Variants in MGAT4C observed in about 807,000 individuals in gnomAD.
MGAT4C encodes alpha-1,3-mannosyl-glycoprotein 4-beta-N-acetylglucosaminyltransferase C.
A neutral mutation model predicts 40.1 loss-of-function variants in MGAT4C; 19 were observed. The ratio of observed to expected loss-of-function variants is 0.47; its 90% CI spans 0.33 to 0.70. The LOEUF is 0.70. Among genes scored for constraint, MGAT4C ranks in the 30% least tolerant of loss-of-function variants. The pLI is 0.02. For missense variants in MGAT4C, 491 were observed against 563.2 expected (o/e 0.87, Z 1.30); for synonymous variants, 181 against 187.1 (o/e 0.97, Z 0.27).
intron 3 of MGAT4C, among the ~76,000 whole-genome samples, chr12:86,404,854 T>G (rs576287504): frequency 6.6e-6 from 1 of 152,156 alleles, no homozygotes; most frequent in African/African-American, 2.4e-5. Context: ...CTTAGTATCA[T>G]ATGGGAACAT....
chr12:86,706,213 T>C (rs1593135150), intron 2 of MGAT4C, among the ~76,000 whole-genome samples: 1 of 152,244 alleles, frequency 6.6e-6, no homozygotes, highest in South Asian at 2.1e-4. Flanking sequence ...GAAACCTACA[T>C]TTTTTGTCTT....
chr12:86,380,324 C>T (rs1026530286), intron 3 of MGAT4C, among the ~76,000 whole-genome samples: 11 of 152,206 alleles, frequency 7.2e-5, no homozygotes, highest in Non-Finnish European at 1.3e-4. Context: ...TATCCAGCTT[C>T]TCTTTCTTTT....
chr12:86,293,917 CTG>C (rs1376184111), intron 4 of MGAT4C, among the ~76,000 whole-genome samples: 13 of 152,288 alleles, frequency 8.5e-5, no homozygotes, highest in African/African-American at 2.4e-4. Context: ...CAATGCGGAA[CTG>C]TGAGTCAACT....
chr12:86,554,484 G>A (rs1198294583), intron 2 of MGAT4C, among the ~76,000 whole-genome samples: 2 of 152,090 alleles, frequency 1.3e-5, no homozygotes, highest in African/African-American at 2.4e-5. Flanking sequence ...ATACTAGTCT[G>A]TGTATCCTTT....
At chr12:86,550,653 C>A (rs531523961) in intron 2 of MGAT4C, among the ~76,000 whole-genome samples, 1 of 152,188 alleles carries the variant, frequency 6.6e-6, no homozygotes, top group African/African-American at 2.4e-5. Flanking sequence ...GCCCAGTATC[C>A]GCTATGACTG....
chr12:86,450,671 C>T (rs1957410935), intron 2 of MGAT4C, among the ~76,000 whole-genome samples: 1 of 151,762 alleles, frequency 6.6e-6, no homozygotes, highest in South Asian at 2.1e-4. Flanking sequence ...AATTAATTAC[C>T]TTGTATTATG....
chr12:86,230,432 AG>A (rs1391590396), intron 1 of MGAT4C, among the ~76,000 whole-genome samples: 1 of 152,168 alleles, frequency 6.6e-6, no homozygotes, highest in African/African-American at 2.4e-5. Flanking sequence ...GAAGTCAAAT[AG>A]GTTTTGACCT....
At chr12:86,701,770 T>C (rs569604888) in intron 2 of MGAT4C, among the ~76,000 whole-genome samples, 2 of 152,200 alleles carry the variant, frequency 1.3e-5, no homozygotes, top group South Asian at 4.1e-4. Flanking sequence ...AATATGTGAA[T>C]AGAAGGTAAA....
intron 2 of MGAT4C, among the ~76,000 whole-genome samples, chr12:86,561,892 T>C (rs991064118): frequency 3.9e-5 from 6 of 152,206 alleles, no homozygotes; most frequent in African/African-American, 1.4e-4. Context: ...TTTATCTTAC[T>C]AGACTCCAAA....
chr12:86,388,120 A>G (rs1341214375), intron 3 of MGAT4C, among the ~76,000 whole-genome samples: 2 of 152,140 alleles, frequency 1.3e-5, no homozygotes, highest in African/African-American at 4.8e-5. Context: ...CCATTTTATA[A>G]ATGCAGTAAG....
intron 4 of MGAT4C, among the ~76,000 whole-genome samples, chr12:86,295,364 C>T (rs1409796467): frequency 6.6e-6 from 1 of 152,128 alleles, no homozygotes; most frequent in Admixed American, 6.6e-5. Flanking sequence ...AAAGAAGCCG[C>T]AGACCCTCGC....
intron 1 of MGAT4C, among the ~76,000 whole-genome samples, chr12:86,164,507 G>T (rs1885970136): frequency 6.6e-6 from 1 of 152,112 alleles, no homozygotes; most frequent in Admixed American, 6.6e-5. Flanking sequence ...AGTCTAATGG[G>T]ACAGATAGAC....
intron 1 of MGAT4C, among the ~76,000 whole-genome samples, chr12:86,066,803 T>C (rs904703417): frequency 1.7e-4 from 26 of 152,042 alleles, no homozygotes; most frequent in African/African-American, 6.0e-4. Flanking sequence ...ATTGTTGCAA[T>C]CTATCCATCT....
intron 3 of MGAT4C, among the ~76,000 whole-genome samples, chr12:86,408,785 A>C (rs1257874050): frequency 6.6e-6 from 1 of 151,920 alleles, no homozygotes; most frequent in Admixed American, 6.6e-5. Context: ...GTTATCAAAA[A>C]GGAGAGATAG....
chr12:86,175,350 G>A (rs1421337020), intron 1 of MGAT4C, among the ~76,000 whole-genome samples: 1 of 152,034 alleles, frequency 6.6e-6, no homozygotes, highest in African/African-American at 2.4e-5. Context: ...TTATCCTTCT[G>A]TCTGCCTGTT....
intron 2 of MGAT4C, among the ~76,000 whole-genome samples, chr12:86,493,870 A>T (rs1453368127): frequency 6.6e-6 from 1 of 152,050 alleles, no homozygotes; most frequent in Admixed American, 6.6e-5. Flanking sequence ...AGAAAACCGT[A>T]TGTTTAGGGT....
At chr12:86,517,299 A>G (rs1958708210) in intron 2 of MGAT4C, among the ~76,000 whole-genome samples, 1 of 152,252 alleles carries the variant, frequency 6.6e-6, no homozygotes, top group African/African-American at 2.4e-5. Context: ...TTATATCTCA[A>G]TAAAAATGAA....
intron 3 of MGAT4C, among the ~76,000 whole-genome samples, chr12:86,355,364 A>C (rs2136195632): frequency 6.7e-6 from 1 of 150,272 alleles, no homozygotes; most frequent in East Asian, 1.9e-4. Flanking sequence ...AGAAGGTTAG[A>C]AAAAAGTTAG....
At chr12:86,334,592 C>T (rs906978365) in intron 3 of MGAT4C, among the ~76,000 whole-genome samples, 1 of 152,044 alleles carries the variant, frequency 6.6e-6, no homozygotes, top group Non-Finnish European at 1.5e-5. Flanking sequence ...GAAAATATTA[C>T]CAATACCATA....
Sources: allele counts gnomAD v4.1 joint callset (sites outside exome capture counted in the v4.1 genomes callset), GRCh38; gene constraint gnomAD v4.1.1; transcripts MANE v1.5; gene names NCBI Gene and HGNC (gene_info 2026-07-23, HGNC 2026-07-21).